FOXN3: variants seen among roughly 807,000 people sequenced by gnomAD.
FOXN3 encodes forkhead box N3, also known as forkhead box protein N3.
Under a neutral mutation model 38.4 loss-of-function variants are expected in FOXN3, and 7 were observed. The ratio of observed to expected loss-of-function variants is 0.18; its 90% CI spans 0.10 to 0.34. The LOEUF is 0.34. Ranked by LOEUF, FOXN3 falls within the 10% of genes least tolerant of loss-of-function variation. The probability of loss-of-function intolerance (pLI) is 1.00; values close to 1 mark genes in which losing one functional copy is unlikely to be tolerated. For synonymous variants in FOXN3, 230 were observed against 242.2 expected (o/e 0.95, Z 0.47); for missense variants, 456 against 613.4 (o/e 0.74, Z 2.71).
At chr14:89,387,283 AAACC>A (rs905284389) in intron 2 of FOXN3, among the ~76,000 whole-genome samples, 3 of 151,748 alleles carry the variant, frequency 2.0e-5, no homozygotes, top group African/African-American at 7.3e-5. Context: ...ATCAATAAAC[AAACC>A]AACCAATTAG....
intron 1 of FOXN3, among the ~76,000 whole-genome samples, chr14:89,460,896 C>T (rs1473718950): frequency 2.6e-5 from 4 of 151,442 alleles, no homozygotes; most frequent in Non-Finnish European, 5.9e-5. Flanking sequence ...GGCATGGTGG[C>T]GCATGCCTGT....
chr14:89,567,353 T>C (rs902985215), intron 1 of FOXN3, among the ~76,000 whole-genome samples: 20 of 152,110 alleles, frequency 1.3e-4, no homozygotes, highest in African/African-American at 4.6e-4. Context: ...GGATGGGGTA[T>C]AAACCTAGGT....
At chr14:89,585,012 G>A (rs1472686471) in intron 1 of FOXN3, among the ~76,000 whole-genome samples, 3 of 152,104 alleles carry the variant, frequency 2.0e-5, no homozygotes, top group East Asian at 3.9e-4. Flanking sequence ...CACCGTGCCC[G>A]GCAAGTGTCT....
At chr14:89,574,732 GCT>G (rs1895565730) in intron 1 of FOXN3, among the ~76,000 whole-genome samples, 1 of 152,168 alleles carries the variant, frequency 6.6e-6, no homozygotes, top group Non-Finnish European at 1.5e-5. Context: ...ACAGGCAGTG[GCT>G]GGAACAAGAA....
chr14:89,407,132 G>C (rs998535802), intron 2 of FOXN3, among the ~76,000 whole-genome samples: 8 of 152,176 alleles, frequency 5.3e-5, no homozygotes, highest in African/African-American at 1.7e-4. Context: ...TCCAGAATGT[G>C]ACCCAGACGT....
rs527525925 is a variant in FOXN3, at chr14:89,164,504, A to T, written c.852-1535T>A. 6.6e-6 allele frequency among the ~76,000 whole-genome samples: 1 copy of T among 152,052 alleles called. No homozygotes were observed. Among genetic ancestry groups the T allele is most frequent in the African/African-American group, 2.4e-5 (1 of 41,380 alleles). ...ATCCCCTCCATAGAGGGCACTCCCC[A>T]CCATCATTATGAACTGTGTGGTCAT... On this transcript the variant is annotated intron_variant, in intron 5 of 5. Coordinates refer to ENST00000557258, the MANE Select transcript of FOXN3 (RefSeq NM_005197.4). This position sits in a 1 kb window ranked among gnomAD's most constrained non-coding sequence, Gnocchi z 4.3.
chr14:89,225,000 G>A (rs556373679), intron 4 of FOXN3, among the ~76,000 whole-genome samples: 5 of 151,958 alleles, frequency 3.3e-5, no homozygotes, highest in East Asian at 1.9e-4. Context: ...GTGGTGGTGC[G>A]TGCCTATAAT....
chr14:89,482,933 T>C (rs181622563), intron 1 of FOXN3, among the ~76,000 whole-genome samples: 4 of 138,108 alleles, frequency 2.9e-5, no homozygotes, highest in Admixed American at 2.9e-4. Flanking sequence ...ATGGAGCCAG[T>C]GCAGTGGCTC....
intron 1 of FOXN3, among the ~76,000 whole-genome samples, chr14:89,581,631 T>C (rs1385764072): frequency 6.6e-6 from 1 of 152,170 alleles, no homozygotes; most frequent in South Asian, 2.1e-4. Flanking sequence ...AGTGCTTGAC[T>C]GTGGCTCCCA....
intron 1 of FOXN3, among the ~76,000 whole-genome samples, chr14:89,514,166 G>A (rs1383939450): frequency 6.6e-6 from 1 of 152,190 alleles, no homozygotes; most frequent in Admixed American, 6.5e-5. Context: ...TGGTGAGGGA[G>A]AAGGAGGATG....
At chr14:89,554,892 G>A (rs374289337) in intron 1 of FOXN3, among the ~76,000 whole-genome samples, 1 of 146,372 alleles carries the variant, frequency 6.8e-6, no homozygotes, top group South Asian at 2.1e-4. Flanking sequence ...AGGTTCAAGC[G>A]ATTCTCCTGC....
At chr14:89,257,326 T>A (rs1188438099) in intron 4 of FOXN3, among the ~76,000 whole-genome samples, 1 of 152,206 alleles carries the variant, frequency 6.6e-6, no homozygotes, top group Non-Finnish European at 1.5e-5. Context: ...AGGACAGAAG[T>A]AAAGGAAATT....
intron 1 of FOXN3, among the ~76,000 whole-genome samples, chr14:89,535,280 A>G (rs1894663172): frequency 1.3e-5 from 2 of 151,876 alleles, no homozygotes; most frequent in East Asian, 1.9e-4. Flanking sequence ...CAGTCCATAT[A>G]AGAACACGGC....
At chr14:89,571,319 G>T (rs1182885855) in intron 1 of FOXN3, among the ~76,000 whole-genome samples, 1 of 152,132 alleles carries the variant, frequency 6.6e-6, no homozygotes, top group African/African-American at 2.4e-5. Context: ...GACCAGCCTG[G>T]CCAACATGGT....
chr14:89,465,937 T>G (rs1566665677), intron 1 of FOXN3, among the ~76,000 whole-genome samples: 1 of 152,254 alleles, frequency 6.6e-6, no homozygotes, highest in Non-Finnish European at 1.5e-5. Flanking sequence ...GACAGGCTGA[T>G]TATTTGAACA....
At chr14:89,586,213 G>A (rs951285220) in intron 1 of FOXN3, among the ~76,000 whole-genome samples, 1 of 152,112 alleles carries the variant, frequency 6.6e-6, no homozygotes, top group Non-Finnish European at 1.5e-5. Flanking sequence ...ATAAATGAAT[G>A]CATGGACAGG....
chr14:89,386,496 G>A (rs1204999414), intron 2 of FOXN3, among the ~76,000 whole-genome samples: 2 of 152,234 alleles, frequency 1.3e-5, no homozygotes, highest in Non-Finnish European at 2.9e-5. Context: ...GGGGAACTTA[G>A]CAAGTAACTT....
intron 4 of FOXN3, among the ~76,000 whole-genome samples, chr14:89,262,739 A>ATT (rs3834528): frequency 2.0e-3 from 305 of 151,750 alleles, no homozygotes; most frequent in Non-Finnish European, 3.3e-3. Flanking sequence ...AATGATGCTA[A>ATT]TTTTTTTTTA....
intron 2 of FOXN3, 105 bp from the exon 3 acceptor site, chr14:89,350,913 C>G: frequency 1.2e-6 from 1 of 849,082 alleles, no homozygotes; most frequent in South Asian, 3.0e-5. Flanking sequence ...AAAAGCTTCT[C>G]ATTTGTTGAC....
Sources: allele counts gnomAD v4.1 joint callset (sites outside exome capture counted in the v4.1 genomes callset), GRCh38; gene constraint gnomAD v4.1.1; non-coding constraint Gnocchi (gnomAD v3.1); transcripts MANE v1.5; gene names NCBI Gene and HGNC (gene_info 2026-07-23, HGNC 2026-07-21).